The following SHROOM3 variants were observed in gnomAD, a reference collection of about 807,000 sequenced individuals.
SHROOM3 encodes shroom family member 3, also known as protein Shroom3.
SHROOM3 carries 47 observed loss-of-function variants against 138.6 expected under a neutral mutation model. The observed-to-expected ratio is 0.34, with a 90% confidence interval of 0.27 to 0.43. SHROOM3 has a LOEUF of 0.43. Ranked by LOEUF, SHROOM3 falls within the 20% of genes least tolerant of loss-of-function variation. SHROOM3 has a pLI of 1.00. For missense variants in SHROOM3, 2,491 were observed against 2,596.5 expected (o/e 0.96, Z 0.88); for synonymous variants, 1,062 against 1,063.3 (o/e 1.00, Z 0.02).
chr4:76,617,323 G>A (rs997222684), intron 2 of SHROOM3, among the ~76,000 whole-genome samples: 3 of 152,182 alleles, frequency 2.0e-5, no homozygotes, highest in Admixed American at 1.3e-4. Flanking sequence ...TTATAAGGCA[G>A]AATGAAAGGC....
chr4:76,630,959 T>G (rs1351632959), intron 2 of SHROOM3, among the ~76,000 whole-genome samples: 1 of 152,198 alleles, frequency 6.6e-6, no homozygotes, highest in Non-Finnish European at 1.5e-5. Context: ...ATTAACTCAT[T>G]GAACAAATAT....
chr4:76,510,058 A>G (rs1732300344), intron 1 of SHROOM3, among the ~76,000 whole-genome samples: 1 of 152,112 alleles, frequency 6.6e-6, no homozygotes, highest in Admixed American at 6.5e-5. Context: ...TGGTGCGGGC[A>G]CTCTGAAAAT....
At chr4:76,592,008 T>C (rs1447141023) in intron 2 of SHROOM3, among the ~76,000 whole-genome samples, 3 of 152,056 alleles carry the variant, frequency 2.0e-5, no homozygotes, top group African/African-American at 4.8e-5. Context: ...CTATGGAAAA[T>C]ACATAAAGCA....
chr4:76,754,088 TC>T (rs1382408017), intron 6 of SHROOM3, among the ~76,000 whole-genome samples: 1 of 152,176 alleles, frequency 6.6e-6, no homozygotes, highest in Admixed American at 6.5e-5. Context: ...GTGAACCCAG[TC>T]ATTCCATGTG....
chr4:76,499,301 G>A (rs115443604), intron 1 of SHROOM3, among the ~76,000 whole-genome samples: 216 of 152,282 alleles, frequency 1.4e-3, no homozygotes, highest in African/African-American at 5.0e-3. Context: ...ATCTGTCCCT[G>A]CTTCATGGGC....
intron 2 of SHROOM3, among the ~76,000 whole-genome samples, chr4:76,639,968 TC>T (rs1467122229): frequency 1.3e-5 from 2 of 152,168 alleles, no homozygotes; most frequent in African/African-American, 4.8e-5. Context: ...TTATGGTTAC[TC>T]TTGTAACCAT....
intron 3 of SHROOM3, among the ~76,000 whole-genome samples, chr4:76,730,471 C>T (rs772283523): frequency 1.7e-4 from 26 of 152,210 alleles, no homozygotes; most frequent in Non-Finnish European, 3.1e-4. Context: ...ACCAAGGCAA[C>T]TCCATGTGCT....
At chr4:76,695,216 C>T (rs1283749719) in intron 2 of SHROOM3, among the ~76,000 whole-genome samples, 1 of 152,206 alleles carries the variant, frequency 6.6e-6, no homozygotes, top group African/African-American at 2.4e-5. Context: ...TTCCCAGCCC[C>T]TCACAAGTCC....
chr4:76,466,203 A>G (rs1579172634), intron 1 of SHROOM3, among the ~76,000 whole-genome samples: 1 of 152,294 alleles, frequency 6.6e-6, no homozygotes, highest in South Asian at 2.1e-4. Context: ...TGAATTTGGC[A>G]TTGTTTGCCC....
intron 1 of SHROOM3, among the ~76,000 whole-genome samples, chr4:76,532,610 C>G (rs114423932): frequency 0.12 from 18,763 of 152,088 alleles, 1,682 homozygotes; most frequent in African/African-American, 0.25. Context: ...CATCTTAACT[C>G]AACACTTATC....
intron 1 of SHROOM3, among the ~76,000 whole-genome samples, chr4:76,519,527 C>G (rs553379214): frequency 5.3e-5 from 8 of 152,110 alleles, no homozygotes; most frequent in African/African-American, 1.7e-4. Flanking sequence ...GATAATGAAT[C>G]GCAGTTGGTC....
chr4:76,649,771 G>T (rs936046541), intron 2 of SHROOM3, among the ~76,000 whole-genome samples: 2 of 152,218 alleles, frequency 1.3e-5, no homozygotes, highest in Non-Finnish European at 2.9e-5. Flanking sequence ...GTGGACAATT[G>T]TTAGGTGATT....
At chr4:76,714,789 C>G (rs1310325323) in intron 3 of SHROOM3, among the ~76,000 whole-genome samples, 1 of 152,098 alleles carries the variant, frequency 6.6e-6, no homozygotes, top group Non-Finnish European at 1.5e-5. Context: ...TATTTCTCTC[C>G]TCTACTTATT....
chr4:76,646,225 A>AATAAATATAAATATATATAT (rs61374645), intron 2 of SHROOM3, among the ~76,000 whole-genome samples: 1 of 96,268 alleles, frequency 1.0e-5, no homozygotes, highest in East Asian at 4.3e-4. Context: ...ATAATAAATA[A>AATAAATATAAATATATATAT]ATATATATAT....
At chr4:76,574,858 A>G (rs1157841128) in intron 2 of SHROOM3, among the ~76,000 whole-genome samples, 1 of 152,178 alleles carries the variant, frequency 6.6e-6, no homozygotes, top group East Asian at 1.9e-4. Flanking sequence ...GTAGGTACAG[A>G]GTTTCAGTTC....
chr4:76,610,631 G>T (rs1156371572), intron 2 of SHROOM3, among the ~76,000 whole-genome samples: 4 of 152,100 alleles, frequency 2.6e-5, no homozygotes, highest in Non-Finnish European at 5.9e-5. Context: ...GTTCATATGT[G>T]TGTTTTTTCC....
intron 2 of SHROOM3, among the ~76,000 whole-genome samples, chr4:76,695,305 T>G (rs1719693108): frequency 6.6e-6 from 1 of 152,238 alleles, no homozygotes; most frequent in African/African-American, 2.4e-5. Context: ...AGTCGACTTA[T>G]TTGTGAACAA....
intron 2 of SHROOM3, among the ~76,000 whole-genome samples, chr4:76,567,408 C>T (rs545581352): frequency 2.8e-4 from 43 of 152,126 alleles, no homozygotes; most frequent in Non-Finnish European, 4.3e-4. Context: ...CCCAGCACTT[C>T]GGGAGTCCAA....
At chr4:76,505,697 G>C (rs1190656965) in intron 1 of SHROOM3, among the ~76,000 whole-genome samples, 2 of 132,178 alleles carry the variant, frequency 1.5e-5, no homozygotes, top group Non-Finnish European at 3.1e-5. Flanking sequence ...GTCTAGCTCT[G>C]TTGCCCAGGC....
Sources: allele counts gnomAD v4.1 joint callset (sites outside exome capture counted in the v4.1 genomes callset), GRCh38; gene constraint gnomAD v4.1.1; transcripts MANE v1.5; gene names NCBI Gene and HGNC (gene_info 2026-07-23, HGNC 2026-07-21).